MGST2: variants seen among roughly 807,000 people sequenced by gnomAD.
MGST2 encodes microsomal glutathione S-transferase 2.
Under a neutral mutation model 16.6 loss-of-function variants are expected in MGST2, and 9 were observed. The ratio of observed to expected loss-of-function variants is 0.54; its 90% CI spans 0.33 to 0.95. The LOEUF (loss-of-function observed/expected upper bound fraction) is 0.95. Ranked by LOEUF, MGST2 falls within the 40% of genes least tolerant of loss-of-function variation. MGST2 has a pLI of 0.03. For synonymous variants in MGST2, 79 were observed against 68.0 expected (o/e 1.16, Z -0.79); for missense variants, 159 against 175.1 (o/e 0.91, Z 0.52).
rs572041288 is a variant in MGST2, at chr4:139,726,719, T to C, written c.*49-13493T>C. Among the ~76,000 whole-genome samples, 28 of 152,370 alleles carry C rather than the reference T, an allele frequency of 1.8e-4. 1 individual carries two copies. Among genetic ancestry groups the C allele is most frequent in the Admixed American group, 4.6e-4 (7 of 15,310 alleles). ...AGCATTTACTGCTTTGAGGAAACCA[T>C]GTGGGATTCCACATATACCAGCAGA... On this transcript the variant is annotated intron_variant, in intron 5 of 5. Coordinates refer to the MGST2 transcript ENST00000616265.
chr4:139,706,774 C>T (rs895167078), downstream of MGST2, among the ~76,000 whole-genome samples: 2 of 152,086 alleles, frequency 1.3e-5, no homozygotes, highest in African/African-American at 2.4e-5. Flanking sequence ...AACATTCAAA[C>T]GATAGATTTT....
intron 1 of MGST2, among the ~76,000 whole-genome samples, 183 bp downstream of exon 1, chr4:139,666,260 A>C (rs3822045): frequency 0.27 from 41,368 of 151,458 alleles, 5,765 homozygotes; most frequent in East Asian, 0.41. Context: ...GCCGCCTGCT[A>C]CCCTCCTTCC....
chr4:139,694,338 G>C (rs1418234445), intron 2 of MGST2, among the ~76,000 whole-genome samples: 2 of 151,744 alleles, frequency 1.3e-5, no homozygotes, highest in Non-Finnish European at 2.9e-5. Flanking sequence ...GAAAGATATG[G>C]GGTCATTTAC....
intron 5 of MGST2, chr4:139,719,262 G>T: frequency 1.3e-6 from 2 of 1,507,234 alleles, no homozygotes; most frequent in South Asian, 2.7e-5. Context: ...TCAACATCCT[G>T]TTTCTTTTTC....
intron 5 of MGST2, among the ~76,000 whole-genome samples, chr4:139,725,164 T>C (rs890822134): frequency 2.2e-4 from 33 of 152,248 alleles, no homozygotes; most frequent in African/African-American, 7.9e-4. Flanking sequence ...TGCTACTAGG[T>C]CATGATTTAG....
intron 2 of MGST2, 26 bp from the exon 3 acceptor site, chr4:139,695,171 A>G (rs750886318): frequency 6.6e-7 from 1 of 1,521,800 alleles, no homozygotes; most frequent in Non-Finnish European, 9.1e-7. Context: ...TCATAAAATA[A>G]CCTATGTCTT....
At chr4:139,695,380 G>A in intron 3 of MGST2, 113 bp downstream of exon 3, 1 of 888,272 alleles carries the variant, frequency 1.1e-6, no homozygotes, top group Non-Finnish European at 1.8e-6. Context: ...CCAGCACTTT[G>A]GGAGGCCCAG....
intron 2 of MGST2, among the ~76,000 whole-genome samples, chr4:139,683,919 GT>G (rs34222679): frequency 0.1 from 9,432 of 92,514 alleles, 164 homozygotes; most frequent in East Asian, 0.19. Flanking sequence ...TCAGTTTTGT[GT>G]TTTTTTTTTT....
At chr4:139,688,377 A>C (rs1217541909) in intron 2 of MGST2, among the ~76,000 whole-genome samples, 1 of 151,932 alleles carries the variant, frequency 6.6e-6, no homozygotes, top group Non-Finnish European at 1.5e-5. Flanking sequence ...TTGTGAATGC[A>C]CTCCTATTTG....
At chr4:139,742,506 G>A (rs1314385560), downstream of MGST2, among the ~76,000 whole-genome samples, 1 of 152,176 alleles carries the variant, frequency 6.6e-6, no homozygotes, top group African/African-American at 2.4e-5. Flanking sequence ...ATTCAGCAGT[G>A]CTTGGCTTAT....
intron 2 of MGST2, among the ~76,000 whole-genome samples, chr4:139,683,873 A>G (rs192755192): frequency 6.7e-6 from 1 of 150,272 alleles, no homozygotes; most frequent in Non-Finnish European, 1.5e-5. Context: ...AAAAAATGAG[A>G]GAGCTTGTGC....
At chr4:139,705,393 G>C (rs1277359879), downstream of MGST2, among the ~76,000 whole-genome samples, 1 of 152,214 alleles carries the variant, frequency 6.6e-6, no homozygotes, top group Non-Finnish European at 1.5e-5. Context: ...GAGGTAGCAT[G>C]TGCAAATTCC....
chr4:139,687,653 T>C (rs978772884), intron 2 of MGST2: 1 of 152,360 alleles, frequency 6.6e-6, no homozygotes, highest in Admixed American at 6.5e-5. Context: ...ACTAATTCTA[T>C]CTTTAGGTGG....
chr4:139,753,340 T>TAATC, the MGST2 span, among the ~76,000 whole-genome samples: 70 of 113,054 alleles, frequency 6.2e-4, no homozygotes, highest in Admixed American at 4.7e-3. Context: ...CTTTTCTTTT[T>TAATC]AATCTATCTA....
chr4:139,731,437 A>T (rs1422939416), intron 5 of MGST2: 2 of 47,706 alleles, frequency 4.2e-5, no homozygotes, highest in South Asian at 9.6e-4. Context: ...GTCTCTACTA[A>T]AAAAAAAAAA....
chr4:139,712,578 G>A (rs2110930010), intron 5 of MGST2, among the ~76,000 whole-genome samples: 1 of 152,284 alleles, frequency 6.6e-6, no homozygotes, highest in Admixed American at 6.5e-5. Context: ...TCTCAGATAA[G>A]ACTTTTTAAA....
chr4:139,729,779 C>T (rs1489711518), intron 5 of MGST2, among the ~76,000 whole-genome samples: 3 of 152,182 alleles, frequency 2.0e-5, no homozygotes, highest in African/African-American at 4.8e-5. Flanking sequence ...CGAGGGTGGA[C>T]AAAGATGCTT....
intron 5 of MGST2, among the ~76,000 whole-genome samples, chr4:139,720,491 C>G (rs1418395279): frequency 1.3e-5 from 2 of 152,148 alleles, no homozygotes; most frequent in African/African-American, 4.8e-5. Flanking sequence ...ATAGCATATG[C>G]TGATTGTGAA....
At chr4:139,730,468 C>G in intron 5 of MGST2, 2 of 1,552,500 alleles carry the variant, frequency 1.3e-6, no homozygotes, top group Non-Finnish European at 8.7e-7. Context: ...CCTTTGCTCC[C>G]GCAGGAACTG....
Sources: allele counts gnomAD v4.1 joint callset (sites outside exome capture counted in the v4.1 genomes callset), GRCh38; gene constraint gnomAD v4.1.1; transcripts MANE v1.5; gene names NCBI Gene and HGNC (gene_info 2026-07-23, HGNC 2026-07-21).